GALNTL6: variants seen among roughly 807,000 people sequenced by gnomAD.
GALNTL6 encodes the protein polypeptide N-acetylgalactosaminyltransferase-like 6.
In GALNTL6, 46 loss-of-function variants were observed where a neutral mutation model predicts 73.7. That is an observed-to-expected ratio of 0.62 (90% CI 0.49 to 0.80). The LOEUF is 0.80. Among genes scored for constraint, GALNTL6 ranks in the 30% least tolerant of loss-of-function variants. GALNTL6 has a pLI of 0.00. For missense variants in GALNTL6, 604 were observed against 755.0 expected (o/e 0.80, Z 2.34); for synonymous variants, 259 against 263.7 (o/e 0.98, Z 0.17).
At chr4:171,935,473 C>T (rs974296631) in intron 2 of GALNTL6, among the ~76,000 whole-genome samples, 12 of 152,050 alleles carry the variant, frequency 7.9e-5, no homozygotes, top group Non-Finnish European at 1.8e-4. Flanking sequence ...CACTGACTCT[C>T]TTTTTTCTGT....
At chr4:172,973,006 T>C (rs908138533) in intron 10 of GALNTL6, among the ~76,000 whole-genome samples, 1 of 152,228 alleles carries the variant, frequency 6.6e-6, no homozygotes, top group Non-Finnish European at 1.5e-5. Flanking sequence ...GCTTTTCTGG[T>C]ATAATGTGCA....
At chr4:172,572,388 T>C (rs1259700377) in intron 5 of GALNTL6, among the ~76,000 whole-genome samples, 4 of 152,190 alleles carry the variant, frequency 2.6e-5, no homozygotes, top group Non-Finnish European at 5.9e-5. Context: ...TAATCCTATT[T>C]TTAAAAATAA....
Position 172,377,100 on chromosome 4 carries a change from C to T in GALNTL6, c.553+28411C>T, listed in dbSNP as rs781752567. Among the ~76,000 whole-genome samples the T allele has an allele frequency of 7.2e-5, 11 of 152,140 alleles. No homozygotes were observed. The East Asian group carries it at 7.8e-4, about 11-fold the overall frequency. On this transcript the variant is annotated intron_variant, in intron 5 of 12. Coordinates refer to ENST00000506823, the MANE Select transcript of GALNTL6 (RefSeq NM_001034845.3). ...TGCCACTGCTGGCTCGGGCAGCCTG[C>T]GTTTATTCCCTTATCTGGCCCCAAA...
At chr4:172,388,085 T>C (rs1209339883) in intron 5 of GALNTL6, among the ~76,000 whole-genome samples, 1 of 152,134 alleles carries the variant, frequency 6.6e-6, no homozygotes, top group Non-Finnish European at 1.5e-5. Context: ...GTTTTTTACT[T>C]CTCCTAACAA....
chr4:172,464,662 G>A (rs1011854180), intron 5 of GALNTL6, among the ~76,000 whole-genome samples: 13 of 151,826 alleles, frequency 8.6e-5, no homozygotes, highest in African/African-American at 3.1e-4. Context: ...AGCCGAGATC[G>A]CACCACTGCA....
Position 172,380,588 on chromosome 4 carries a change from C to T in GALNTL6, c.553+31899C>T, listed in dbSNP as rs1743244800. On this transcript the variant is annotated intron_variant, in intron 5 of 12. Coordinates refer to ENST00000506823, the MANE Select transcript of GALNTL6 (RefSeq NM_001034845.3). ...TACACTTTAGTAGGGAAAGAAAGAA[C>T]GATTGTCACTGTTTAATATGCATCA... 1.8e-5 allele frequency: 4 copies of T among 223,554 alleles called. No individual in the cohort carries two copies. The South Asian group carries it at 3.3e-4, about 18-fold the overall frequency. 13.8% of individuals were successfully genotyped at this position (223,554 alleles called of 1,614,324 possible). A position where few individuals can be genotyped will look rare whatever the true frequency, so the allele number is the denominator to read the frequency against.
rs369663263 is a variant in GALNTL6 at position 172,923,977 on chromosome 4, C to G, written c.1042-7184C>G. ...ATTCAAGATGAGATTTTTGTGGGGA[C>G]AGAGCAGAACCATTTCAGGGAGGGT... On this transcript the variant is annotated intron_variant, in intron 8 of 12. Coordinates refer to ENST00000506823, the MANE Select transcript of GALNTL6 (RefSeq NM_001034845.3). 3.3e-5 allele frequency among the ~76,000 whole-genome samples: 5 copies of G among 151,980 alleles called. No individual in the cohort carries two copies. In the East Asian group the frequency reaches 7.7e-4, roughly 23 times the overall value.
chr4:172,169,789 A>G (rs1734753074), intron 2 of GALNTL6, among the ~76,000 whole-genome samples: 1 of 152,238 alleles, frequency 6.6e-6, no homozygotes, highest in Non-Finnish European at 1.5e-5. Context: ...CAGAATGTGT[A>G]GTTTTGTGCT....
At chr4:172,231,113 C>A in intron 3 of GALNTL6, among the ~76,000 whole-genome samples, 1 of 152,144 alleles carries the variant, frequency 6.6e-6, no homozygotes, top group Non-Finnish European at 1.5e-5. Flanking sequence ...TTGGCAGTGA[C>A]CCCATGAATG....
At chr4:172,948,719 C>T (rs547679655) in intron 9 of GALNTL6, among the ~76,000 whole-genome samples, 37 of 151,890 alleles carry the variant, frequency 2.4e-4, no homozygotes, top group African/African-American at 7.2e-4. Flanking sequence ...GATCCACCTG[C>T]CTCAGCCTCC....
chr4:172,054,838 C>T (rs889100786), intron 2 of GALNTL6, among the ~76,000 whole-genome samples: 1 of 152,062 alleles, frequency 6.6e-6, no homozygotes, highest in Admixed American at 6.6e-5. Context: ...GAAGTCGTGC[C>T]TTTTCATTAA....
At chr4:171,866,155 A>C (rs1425272358) in intron 2 of GALNTL6, among the ~76,000 whole-genome samples, 1 of 152,226 alleles carries the variant, frequency 6.6e-6, no homozygotes, top group Non-Finnish European at 1.5e-5. Flanking sequence ...TGAGTTAAGA[A>C]GAGGAGCAGG....
intron 2 of GALNTL6, among the ~76,000 whole-genome samples, chr4:172,227,746 A>AT (rs1736917967): frequency 6.6e-6 from 1 of 152,160 alleles, no homozygotes; most frequent in South Asian, 2.1e-4. Context: ...GAGAGAGTAA[A>AT]TGTTAACTTT....
chr4:172,899,424 AC>A, intron 8 of GALNTL6, among the ~76,000 whole-genome samples: 1 of 152,202 alleles, frequency 6.6e-6, no homozygotes, highest in Middle Eastern at 3.4e-3. Flanking sequence ...CACTTTTAAG[AC>A]CTTTTTGTAG....
intron 5 of GALNTL6, among the ~76,000 whole-genome samples, chr4:172,679,085 A>C (rs1413198822): frequency 6.6e-6 from 1 of 152,154 alleles, no homozygotes; most frequent in Non-Finnish European, 1.5e-5. Flanking sequence ...CATGTCATAA[A>C]ATGTTATTTA....
At chr4:172,257,997 G>A (rs1012020092) in intron 3 of GALNTL6, among the ~76,000 whole-genome samples, 2 of 151,230 alleles carry the variant, frequency 1.3e-5, no homozygotes, top group Admixed American at 6.6e-5. Context: ...GATCCAGGCC[G>A]TGTGTAACAT....
intron 5 of GALNTL6, among the ~76,000 whole-genome samples, chr4:172,759,853 G>A (rs1453522114): frequency 6.9e-5 from 8 of 116,522 alleles, no homozygotes; most frequent in East Asian, 5.2e-4. Flanking sequence ...TTTTTGAGAC[G>A]GAGTCTCGCT....
At chr4:173,039,858 A>C (rs1753833822) in intron 12 of GALNTL6, 75 bp from the exon 13 acceptor site, 1 of 1,073,022 alleles carries the variant, frequency 9.3e-7, no homozygotes, top group Admixed American at 2.3e-5. Flanking sequence ...GAAATATCTT[A>C]CTTCTGTATA....
chr4:172,790,505 G>A (rs80238487), intron 5 of GALNTL6, among the ~76,000 whole-genome samples: 8 of 152,126 alleles, frequency 5.3e-5, no homozygotes, highest in South Asian at 4.1e-4. Flanking sequence ...AGAAACTAAC[G>A]CCATGGTGCC....
Sources: allele counts gnomAD v4.1 joint callset (sites outside exome capture counted in the v4.1 genomes callset), GRCh38; gene constraint gnomAD v4.1.1; transcripts MANE v1.5; gene names NCBI Gene and HGNC (gene_info 2026-07-23, HGNC 2026-07-21).